EML5: variants seen among roughly 807,000 people sequenced by gnomAD.
The protein encoded by EML5 is EMAP like 5, also known as echinoderm microtubule-associated protein-like 5.
A neutral mutation model predicts 250.0 loss-of-function variants in EML5; 120 were observed. The observed-to-expected ratio is 0.48, with a 90% CI of 0.41 to 0.56. The LOEUF (loss-of-function observed/expected upper bound fraction) is 0.56, where lower values mean the gene tolerates loss of function less well. EML5 is among the 20% of genes least tolerant of loss of function. The pLI is 0.00. For missense variants in EML5, 2,006 were observed against 2,437.6 expected (o/e 0.82, Z 3.73); for synonymous variants, 771 against 806.5 (o/e 0.96, Z 0.75).
intron 28 of EML5, 59 bp downstream of exon 28, chr14:88,649,853 A>G (rs544946392): frequency 2.3e-6 from 3 of 1,327,722 alleles, no homozygotes; most frequent in African/African-American, 3.0e-5. Context: ...AAAATACCAT[A>G]AAGAATAAAA....
intron 1 of EML5, among the ~76,000 whole-genome samples, chr14:88,785,208 G>A (rs886571791): frequency 6.6e-6 from 1 of 152,130 alleles, no homozygotes; most frequent in African/African-American, 2.4e-5. Context: ...GAGGACTCAG[G>A]GGGAAGTGGG....
At chr14:88,677,915 A>T (rs1595485196) in intron 21 of EML5, among the ~76,000 whole-genome samples, 1 of 152,318 alleles carries the variant, frequency 6.6e-6, no homozygotes, top group East Asian at 1.9e-4. Context: ...CAGAAACACC[A>T]TTTGACCCAG....
intron 1 of EML5, among the ~76,000 whole-genome samples, chr14:88,779,045 C>T (rs550288738): frequency 2.6e-5 from 4 of 152,236 alleles, no homozygotes; most frequent in African/African-American, 9.6e-5. Flanking sequence ...TTTCTTCTGG[C>T]GCAAGCAACC....
Position 88,702,593 on chromosome 14 carries a change from A to G in EML5, c.2091T>C (p.Thr697=). ...CATGGTACACAATTTCACCAATTTG[A>G]GTATAAAACAGATTACTTCGACAGT... ...GYDCRSNLFY[T]QIGEIVYHVA... Residue 697 remains threonine, a synonymous_variant, in exon 14 of 44, where the codon ACT becomes ACC. Transcript: ENST00000554922. 1 of 1,608,114 alleles carries G rather than the reference A, an allele frequency of 6.2e-7. No homozygotes were observed. Among genetic ancestry groups the G allele is most frequent in the Non-Finnish European group, 8.5e-7 (1 of 1,176,980 alleles).
At position 88,627,820 on chromosome 14, in the gene EML5, C is replaced by A; in HGVS notation, c.4358-1G>T. The A allele has an allele frequency of 6.3e-7, 1 of 1,579,408 alleles. No homozygotes were observed. Among genetic ancestry groups the A allele is most frequent in the East Asian group, 2.3e-5 (1 of 44,044 alleles). On this transcript the variant is annotated splice_acceptor_variant, in intron 33 of 43. Coordinates refer to ENST00000554922, the MANE Select transcript of EML5 (RefSeq NM_183387.3). LOFTEE classifies it high-confidence loss of function. ...CAGATGTGAATAGAAGGAGCTGTAG[C>A]TAAATAAAGATAGTATCAAAAAGTT...
intron 7 of EML5, among the ~76,000 whole-genome samples, chr14:88,733,404 T>G (rs1286054498): frequency 6.6e-6 from 1 of 152,254 alleles, no homozygotes; most frequent in African/African-American, 2.4e-5. Context: ...CTTTGAAGCT[T>G]TTAAGGTGAT....
intron 8 of EML5, among the ~76,000 whole-genome samples, chr14:88,719,659 C>A (rs1209448199): frequency 6.6e-6 from 1 of 151,500 alleles, no homozygotes; most frequent in East Asian, 1.9e-4. Context: ...TTTCATATGA[C>A]TCTATGATAT....
Position 88,787,141 on chromosome 14 carries a change from C to A in EML5, c.197+5166G>T, listed in dbSNP as rs186770126. Among the ~76,000 whole-genome samples the A allele has an allele frequency of 9.2e-5, 14 of 152,322 alleles. No individual in the cohort carries two copies. The East Asian group carries it at 2.7e-3, about 29-fold the overall frequency. Reference sequence around the variant, plus strand: ...CAGAATGCTATACCTTCTTTCATTTCTTCTGATGACCCTTCTCCCTATTGT... The same window carrying A: ...CAGAATGCTATACCTTCTTTCATTTATTCTGATGACCCTTCTCCCTATTGT... On this transcript the variant is annotated intron_variant, in intron 1 of 43. Coordinates refer to ENST00000554922, the MANE Select transcript of EML5 (RefSeq NM_183387.3).
intron 7 of EML5, 37 bp downstream of exon 7, chr14:88,736,327 C>T: frequency 6.3e-7 from 1 of 1,596,898 alleles, no homozygotes; most frequent in East Asian, 2.2e-5. Flanking sequence ...TCTAAGGATA[C>T]ATTCCAGCCT....
At chr14:88,625,920 T>C (rs1227219684) in intron 35 of EML5, 1 of 152,162 alleles carries the variant, frequency 6.6e-6, no homozygotes, top group East Asian at 1.9e-4. Context: ...GCCTAGCCAA[T>C]GCAGGATATT....
rs375167655 is a variant in EML5, at chr14:88,706,796, G to T, written c.1658-370C>A. On this transcript the variant is annotated intron_variant, in intron 10 of 43. Transcript: ENST00000554922. ...ATTATTCTCAACCCAAGCAGCCAGA[G>T]GATCCTTTTAAGACTTAAGTCATCA... is the stretch of plus-strand genomic sequence containing the variant. 1.4e-3 allele frequency among the ~76,000 whole-genome samples: 208 copies of T among 152,230 alleles called. 4 individuals carry two copies. The South Asian group carries it at 0.041, about 30-fold the overall frequency.
chr14:88,646,378 C>T (rs2091348065), intron 29 of EML5, among the ~76,000 whole-genome samples: 1 of 152,070 alleles, frequency 6.6e-6, no homozygotes, highest in Non-Finnish European at 1.5e-5. Context: ...TGTTTTCAAA[C>T]CTTCTTCATA....
chr14:88,748,909 T>A (rs2094048587), intron 2 of EML5, among the ~76,000 whole-genome samples: 1 of 150,870 alleles, frequency 6.6e-6, no homozygotes, highest in Non-Finnish European at 1.5e-5. Flanking sequence ...AAAAAAGAAT[T>A]GACAGAGCTT....
rs760841279 is a variant in EML5 at position 88,665,374 on chromosome 14, G to C, written c.3240C>G (p.His1080Gln). ...GAATATCTGAAATCATATCTTTTCT[G>C]TGATGAAAAGACACAAGATCCTCTA... ...DTLEDLVSFH[H>Q]RKDMISDIRF... The change falls in exon 22 of 44, where the codon CAC (histidine) becomes CAG (glutamine). Residue 1080 changes from histidine (H) to glutamine (Q), a missense_variant. Physicochemically the swap from His to Gln is conservative, Grantham distance 24. Around this residue, in one of 7 missense-constraint regions of EML5, gnomAD observed 1,375 missense variants for 1,590.3 expected, o/e 0.86. Transcript: ENST00000554922. 7 of 1,613,432 alleles carry C rather than the reference G, an allele frequency of 4.3e-6. No homozygotes were observed. The highest frequency in any genetic ancestry group is 5.1e-6 in the Non-Finnish European group (6 of 1,179,684).
At chr14:88,669,042 G>A (rs1172146672) in intron 21 of EML5, among the ~76,000 whole-genome samples, 1 of 152,178 alleles carries the variant, frequency 6.6e-6, no homozygotes, top group Non-Finnish European at 1.5e-5. Context: ...GAAAAGCAGG[G>A]TGGAGTGACA....
chr14:88,698,553 C>T (rs929713459), intron 14 of EML5, among the ~76,000 whole-genome samples: 1 of 152,132 alleles, frequency 6.6e-6, no homozygotes, highest in Non-Finnish European at 1.5e-5. Flanking sequence ...GCATGAGCCA[C>T]GGCGCCCAGC....
chr14:88,715,781 G>A (rs1175447995), intron 8 of EML5, among the ~76,000 whole-genome samples: 1 of 151,594 alleles, frequency 6.6e-6, no homozygotes, highest in East Asian at 1.9e-4. Context: ...TCATACCTCA[G>A]CCTCCCGAGT....
intron 21 of EML5, among the ~76,000 whole-genome samples, chr14:88,670,192 G>A (rs1482693601): frequency 2.0e-5 from 3 of 151,346 alleles, no homozygotes; most frequent in Admixed American, 1.3e-4. Context: ...GTGGTAGCAG[G>A]TGCCTGTAAT....
intron 1 of EML5, among the ~76,000 whole-genome samples, chr14:88,780,639 G>A (rs1218503732): frequency 6.6e-6 from 1 of 151,918 alleles, no homozygotes; most frequent in East Asian, 1.9e-4. Context: ...GCAGAGGCGC[G>A]ATCTTGGCTC....
Sources: allele counts gnomAD v4.1 joint callset (sites outside exome capture counted in the v4.1 genomes callset), GRCh38; gene constraint gnomAD v4.1.1; regional missense constraint gnomAD v4.1.1; transcripts MANE v1.5; gene names NCBI Gene and HGNC (gene_info 2026-07-23, HGNC 2026-07-21).